The following ACSM6 variants were observed in gnomAD, a reference collection of about 807,000 sequenced individuals.
ACSM6 encodes the protein acyl-CoA synthetase medium chain family member 6, also known as acyl-coenzyme A synthetase ACSM6, mitochondrial.
Under a neutral mutation model 51.1 loss-of-function variants are expected in ACSM6, and 35 were observed. The ratio of observed to expected loss-of-function variants is 0.69; its 90% CI spans 0.52 to 0.91. The LOEUF is 0.91. Among genes scored for constraint, ACSM6 ranks in the 40% least tolerant of loss-of-function variants. The pLI is 0.00. For synonymous variants in ACSM6, 172 were observed against 207.3 expected (o/e 0.83, Z 1.46); for missense variants, 509 against 584.1 (o/e 0.87, Z 1.32).
chr10:95,210,797 C>A lies in ACSM6; in HGVS notation c.755+4C>A. 1.2e-6 allele frequency: 2 copies of A among 1,613,040 alleles called. No individual in the cohort carries two copies. The highest frequency in any genetic ancestry group is 1.7e-6 in the Non-Finnish European group (2 of 1,179,356). On this transcript the variant is annotated splice_donor_region_variant and intron_variant, in intron 5 of 10. Transcript: ENST00000341686. Reference sequence around the variant, plus strand: ...TGGGATTCAGCCAGGCTTCCAGGTACGGTTCTCGCACAGCCTGTACAGGCC... The same window carrying A: ...TGGGATTCAGCCAGGCTTCCAGGTAAGGTTCTCGCACAGCCTGTACAGGCC...
At chr10:95,199,879 T>C (rs2034774810) in intron 2 of ACSM6, among the ~76,000 whole-genome samples, 1 of 152,078 alleles carries the variant, frequency 6.6e-6, no homozygotes, top group Non-Finnish European at 1.5e-5. Context: ...TGTGGAGAAA[T>C]AGGAACACTT....
In ACSM6 at chr10:95,219,369, T is replaced by TAA. The variant is rs151297957; in HGVS notation, c.1120-515_1120-514dup. Reference sequence around the variant, plus strand: ...TTCTCATAAATAGCTTTAGTATATTTAAAAAAAAGGCACTAAAAAACAAAC... The same window carrying TAA: ...TTCTCATAAATAGCTTTAGTATATTTAAAAAAAAAAGGCACTAAAAAACAAAC... On this transcript the variant is annotated intron_variant, in intron 8 of 10. Transcript: ENST00000341686. 8.0e-3 allele frequency among the ~76,000 whole-genome samples: 1,218 copies of TAA among 152,112 alleles called. 22 individuals carry two copies. The highest frequency in any genetic ancestry group is 0.028 in the African/African-American group (1,161 of 41,446).
At chr10:95,214,383 T>C (rs2034923139) in intron 7 of ACSM6, among the ~76,000 whole-genome samples, 1 of 106,840 alleles carries the variant, frequency 9.4e-6, no homozygotes, top group Non-Finnish European at 2.2e-5. Flanking sequence ...CTCACTACTA[T>C]TCTATTGTTG....
At chr10:95,203,875 A>C (rs1260684329) in intron 3 of ACSM6, among the ~76,000 whole-genome samples, 2 of 151,804 alleles carry the variant, frequency 1.3e-5, no homozygotes, top group Non-Finnish European at 2.9e-5. Flanking sequence ...AAAAAAAAAA[A>C]AAAAAAACTG....
chr10:95,226,151 T>C (rs970734284), intron 10 of ACSM6: 2 of 152,240 alleles, frequency 1.3e-5, no homozygotes, highest in African/African-American at 4.8e-5. Context: ...TTTTCCTCTT[T>C]GTAATTAGTA....
rs1284561285 is a variant in ACSM6, at chr10:95,212,839, T to C, written c.913-19T>C. The stretch of plus-strand genomic sequence containing the variant: ...CCACCTCACATGCAGATTTTGTTTT[T>C]CCTTCCTTTGGGGCCCAGGTCCTGT... On this transcript the variant is annotated intron_variant, in intron 6 of 10. Coordinates refer to ENST00000341686, the Ensembl canonical transcript of ACSM6. The C allele has an allele frequency of 6.3e-7, 1 of 1,595,682 alleles. No individual in the cohort carries two copies. The highest frequency in any genetic ancestry group is 2.2e-5 in the East Asian group (1 of 44,788).
At chr10:95,201,467 T>C (rs1236932717) in intron 2 of ACSM6, 1 of 455,586 alleles carries the variant, frequency 2.2e-6, no homozygotes, top group African/African-American at 2.0e-5. Context: ...TCCATCCATG[T>C]TGCTGCAAAA....
intron 10 of ACSM6, chr10:95,225,666 A>G (rs1283526739): frequency 1.7e-5 from 5 of 286,554 alleles, no homozygotes; most frequent in Non-Finnish European, 2.6e-5. Flanking sequence ...TTTCAGCAGC[A>G]TCCTCCTAAT....
intron 10 of ACSM6, among the ~76,000 whole-genome samples, chr10:95,227,070 TC>T (rs1442356074): frequency 2.0e-5 from 3 of 151,344 alleles, no homozygotes; most frequent in Non-Finnish European, 4.4e-5. Flanking sequence ...CACTGCAACC[TC>T]CACCTCCCGG....
At chr10:95,194,465 G>C (rs762693798) in exon 2 of ACSM6, 1 of 1,549,068 alleles carries the variant, frequency 6.5e-7, no homozygotes, top group East Asian at 2.4e-5. Flanking sequence ...ATTTACCTAG[G>C]TGGTTCCCTG....
chr10:95,200,570 GGAA>G (rs2034784308), intron 2 of ACSM6, among the ~76,000 whole-genome samples: 1 of 146,296 alleles, frequency 6.8e-6, no homozygotes, highest in Non-Finnish European at 1.5e-5. Flanking sequence ...AAGAGGAAGA[GGAA>G]GAAGAAGATG....
intron 2 of ACSM6, among the ~76,000 whole-genome samples, chr10:95,197,259 A>C (rs2034738251): frequency 6.6e-6 from 1 of 152,236 alleles, no homozygotes; most frequent in Admixed American, 6.5e-5. Context: ...GAGACTGAGA[A>C]AAGAATTAAG....
At chr10:95,225,234 A>G in intron 9 of ACSM6, 56 bp from the exon 10 acceptor site, 1 of 1,233,958 alleles carries the variant, frequency 8.1e-7, no homozygotes, top group Middle Eastern at 1.9e-4. Flanking sequence ...GTGGTGTTTT[A>G]GGAAGAGCAC....
At chr10:95,219,314 T>C (rs1006163594) in intron 8 of ACSM6, among the ~76,000 whole-genome samples, 3 of 152,230 alleles carry the variant, frequency 2.0e-5, no homozygotes, top group African/African-American at 4.8e-5. Context: ...TGTTTTATCA[T>C]TACTCCTCTA....
chr10:95,203,776 G>A (rs2034816200), intron 3 of ACSM6, among the ~76,000 whole-genome samples: 1 of 146,904 alleles, frequency 6.8e-6, no homozygotes, highest in African/African-American at 2.5e-5. Flanking sequence ...GAAAAACAAA[G>A]TACCCCTGAG....
chr10:95,200,016 G>T (rs1016506709), intron 2 of ACSM6, among the ~76,000 whole-genome samples: 22 of 152,122 alleles, frequency 1.4e-4, no homozygotes, highest in African/African-American at 5.3e-4. Flanking sequence ...ATACCCAAAG[G>T]ATTATAAATC....
intron 9 of ACSM6, 92 bp downstream of exon 9, chr10:95,220,063 G>A: frequency 2.0e-6 from 2 of 1,001,946 alleles, no homozygotes; most frequent in South Asian, 2.8e-5. Context: ...TAGGCAATGA[G>A]GAAAGTCCAC....
intron 6 of ACSM6, 123 bp downstream of exon 6, chr10:95,212,157 C>T (rs1384005605): frequency 2.6e-6 from 3 of 1,152,994 alleles, no homozygotes; most frequent in Non-Finnish European, 3.8e-6. Context: ...GTGATCTTGA[C>T]TTGAAGATGC....
intron 3 of ACSM6, 86 bp downstream of exon 3, chr10:95,202,281 ATC>A (rs1446074357): frequency 4.1e-5 from 49 of 1,192,312 alleles, no homozygotes; most frequent in Non-Finnish European, 3.2e-5. Context: ...TGTTAGAGGG[ATC>A]TCTATCTGAT....
Sources: gnomAD v4.1 joint callset for allele counts (sites outside exome capture counted in the v4.1 genomes callset) on GRCh38, gnomAD v4.1.1 for gene constraint, MANE v1.5 for transcripts, NCBI Gene and HGNC (gene_info 2026-07-23, HGNC 2026-07-21) for gene names.